Variants in CSNK1G3 observed in about 807,000 individuals in gnomAD.
CSNK1G3 encodes casein kinase 1 gamma 3.
In CSNK1G3, 23 loss-of-function variants were observed where a neutral mutation model predicts 64.3. The ratio of observed to expected loss-of-function variants is 0.36; its 90% confidence interval spans 0.26 to 0.51. The LOEUF (loss-of-function observed/expected upper bound fraction) is 0.51, where lower values mean the gene tolerates loss of function less well. Among genes scored for constraint, CSNK1G3 ranks in the 20% least tolerant of loss-of-function variants. The probability of loss-of-function intolerance (pLI) is 0.96; values close to 1 mark genes in which losing one functional copy is unlikely to be tolerated. For synonymous variants in CSNK1G3, 158 were observed against 162.2 expected, an observed-to-expected ratio of 0.97 and a Z score of 0.20; for missense variants, 357 against 510.5, an observed-to-expected ratio of 0.70 and a Z score of 2.90.
At chr5:123,578,833 C>G (rs1789677152) in intron 6 of CSNK1G3, among the ~76,000 whole-genome samples, 1 of 151,798 alleles carries the variant, frequency 6.6e-6, no homozygotes, top group African/African-American at 2.4e-5. Context: ...ATATCGTATT[C>G]TTTCTTATTG....
At chr5:123,570,094 A>G (rs1008210404) in intron 4 of CSNK1G3, among the ~76,000 whole-genome samples, 1 of 152,194 alleles carries the variant, frequency 6.6e-6, no homozygotes, top group African/African-American at 2.4e-5. Context: ...ATGTATCCGT[A>G]ATGCCCAACC....
chr5:123,574,562 G>T (rs1788773546), intron 5 of CSNK1G3, among the ~76,000 whole-genome samples: 2 of 152,086 alleles, frequency 1.3e-5, no homozygotes, highest in Admixed American at 6.6e-5. Flanking sequence ...GCTTGTGCCT[G>T]TAATCCCAGC....
In CSNK1G3 at chr5:123,575,600, T is replaced by C. The variant is rs1460752364; in HGVS notation, c.439-129T>C. The C allele has an allele frequency of 4.8e-6, 3 of 630,842 alleles. No individual in the cohort carries two copies. The African/African-American group carries it at 5.5e-5, about 12-fold the overall frequency. 39.1% of individuals were successfully genotyped at this position (630,842 alleles called of 1,614,324 possible). On this transcript the variant is annotated intron_variant, in intron 5 of 12. Coordinates refer to ENST00000345990, the Ensembl canonical transcript of CSNK1G3. ...GAATGATAGGCTGACATCATTTTAC[T>C]TTTAAAGGGTTGAAACAATTTCTGA...
At chr5:123,573,094 A>G (rs1026892809) in intron 4 of CSNK1G3, among the ~76,000 whole-genome samples, 12 of 152,192 alleles carry the variant, frequency 7.9e-5, no homozygotes, top group Non-Finnish European at 1.5e-4. Flanking sequence ...ATGGAAATAT[A>G]AAGCTAAAAA....
At chr5:123,595,175 T>G (rs776469139) in intron 10 of CSNK1G3, 41 bp downstream of exon 11, 6 of 1,568,410 alleles carry the variant, frequency 3.8e-6, no homozygotes, top group Non-Finnish European at 4.4e-6. Flanking sequence ...TACCCAGATT[T>G]ATACAACTAA....
chr5:123,552,336 G>C (rs1783840362), intron 2 of CSNK1G3, among the ~76,000 whole-genome samples: 2 of 152,050 alleles, frequency 1.3e-5, no homozygotes, highest in Non-Finnish European at 2.9e-5. Flanking sequence ...AGTAGAGACA[G>C]GATTTCACCA....
intron 1 of CSNK1G3, among the ~76,000 whole-genome samples, chr5:123,545,026 T>G (rs1262469939): frequency 6.6e-6 from 1 of 152,148 alleles, no homozygotes; most frequent in Admixed American, 6.5e-5. Flanking sequence ...TATTAAGGTA[T>G]TTTATTTTTA....
At chr5:123,573,962 G>T (rs548144548) in intron 5 of CSNK1G3, among the ~76,000 whole-genome samples, 10 of 151,012 alleles carry the variant, frequency 6.6e-5, no homozygotes, top group Non-Finnish European at 1.3e-4. Flanking sequence ...CAATTCTCCT[G>T]CCTCAGCCTC....
At chr5:123,591,967 A>G (rs2150989626) in intron 10 of CSNK1G3, among the ~76,000 whole-genome samples, 1 of 152,228 alleles carries the variant, frequency 6.6e-6, no homozygotes, top group South Asian at 2.1e-4. Flanking sequence ...GAAATAATGC[A>G]TGTTAATTTA....
At chr5:123,595,171 G>T (rs1203231988) in intron 10 of CSNK1G3, 37 bp downstream of exon 11, 3 of 1,577,386 alleles carry the variant, frequency 1.9e-6, no homozygotes, top group Admixed American at 3.4e-5. Context: ...TTATTACCCA[G>T]ATTTATACAA....
At chr5:123,576,203 A>G (rs1449261189) in intron 6 of CSNK1G3, among the ~76,000 whole-genome samples, 1 of 152,186 alleles carries the variant, frequency 6.6e-6, no homozygotes, top group Non-Finnish European at 1.5e-5. Context: ...TTGTATTTAT[A>G]TAACTTGAAG....
intron 1 of CSNK1G3, among the ~76,000 whole-genome samples, chr5:123,515,763 G>C (rs1346096282): frequency 2.6e-5 from 4 of 151,678 alleles, no homozygotes; most frequent in African/African-American, 7.3e-5. Context: ...TCCCCTCTTA[G>C]TATTCAAAAA....
At chr5:123,587,966 A>G in intron 6 of CSNK1G3, 102 bp from the exon 7 acceptor site, 1 of 701,706 alleles carries the variant, frequency 1.4e-6, no homozygotes, top group Non-Finnish European at 2.4e-6. Flanking sequence ...TATATGTTGA[A>G]CTTTTGGAAA....
intron 2 of CSNK1G3, among the ~76,000 whole-genome samples, chr5:123,547,190 T>A (rs1336799101): frequency 2.0e-5 from 3 of 152,112 alleles, no homozygotes; most frequent in African/African-American, 7.2e-5. Context: ...ATGGAACAGA[T>A]AAGTCATTTA....
At chr5:123,570,897 TGTG>T (rs1308077564) in intron 4 of CSNK1G3, among the ~76,000 whole-genome samples, 2 of 152,166 alleles carry the variant, frequency 1.3e-5, no homozygotes, top group African/African-American at 4.8e-5. Flanking sequence ...CTGTCGATGT[TGTG>T]GTAGCTGAGA....
At chr5:123,610,242 A>G (rs1392709198) in intron 12 of CSNK1G3, among the ~76,000 whole-genome samples, 1 of 152,196 alleles carries the variant, frequency 6.6e-6, no homozygotes, top group Non-Finnish European at 1.5e-5. Context: ...CAGAGATATG[A>G]AATTACACTT....
At chr5:123,606,297 C>G (rs1795355578) in intron 12 of CSNK1G3, among the ~76,000 whole-genome samples, 1 of 151,922 alleles carries the variant, frequency 6.6e-6, no homozygotes, top group African/African-American at 2.4e-5. Context: ...AGAAATAAAT[C>G]CGTGAAAGTA....
At chr5:123,592,459 C>G (rs1373739810) in intron 10 of CSNK1G3, among the ~76,000 whole-genome samples, 1 of 151,426 alleles carries the variant, frequency 6.6e-6, no homozygotes, top group Non-Finnish European at 1.5e-5. Flanking sequence ...TTCTCTCTCT[C>G]TTTCTCTTTT....
At chr5:123,528,731 T>G (rs936931069) in intron 1 of CSNK1G3, among the ~76,000 whole-genome samples, 4 of 152,208 alleles carry the variant, frequency 2.6e-5, no homozygotes, top group African/African-American at 4.8e-5. Context: ...AGTTGTCATT[T>G]CTTATTCATT....
Sources: allele counts gnomAD v4.1 joint callset (sites outside exome capture counted in the v4.1 genomes callset), GRCh38; gene constraint gnomAD v4.1.1; transcripts MANE v1.5; gene names NCBI Gene and HGNC (gene_info 2026-07-23, HGNC 2026-07-21).